The following SNTG1 variants were observed in gnomAD, a reference collection of about 807,000 sequenced individuals.
SNTG1 encodes the protein syntrophin gamma 1, also known as gamma-1-syntrophin.
A neutral mutation model predicts 74.7 loss-of-function variants in SNTG1; 39 were observed. That is an observed-to-expected ratio of 0.52 (90% confidence interval 0.40 to 0.68). SNTG1 has a LOEUF of 0.68. Among genes scored for constraint, SNTG1 ranks in the 30% least tolerant of loss-of-function variants. SNTG1 has a pLI of 0.00. For synonymous variants in SNTG1, 254 were observed against 217.1 expected, an observed-to-expected ratio of 1.17 and a Z score of -1.49; for missense variants, 685 against 609.5, an observed-to-expected ratio of 1.12 and a Z score of -1.30.
At chr8:50,171,746 T>A (rs2082815192) in intron 1 of SNTG1, among the ~76,000 whole-genome samples, 1 of 152,168 alleles carries the variant, frequency 6.6e-6, no homozygotes, top group South Asian at 2.1e-4. Context: ...TAAAAATGCA[T>A]ATTTATAGGC....
intron 12 of SNTG1, among the ~76,000 whole-genome samples, chr8:50,567,026 G>A (rs1239072176): frequency 2.0e-5 from 3 of 151,974 alleles, no homozygotes; most frequent in African/African-American, 7.2e-5. Flanking sequence ...GCCTCTATTT[G>A]TTTATTGTAT....
At chr8:50,328,569 A>T (rs1228098323) in intron 2 of SNTG1, among the ~76,000 whole-genome samples, 2 of 152,190 alleles carry the variant, frequency 1.3e-5, no homozygotes, top group African/African-American at 4.8e-5. Flanking sequence ...AAACACTTAT[A>T]AAACCATCAG....
At chr8:50,328,387 C>T (rs116023167) in intron 2 of SNTG1, among the ~76,000 whole-genome samples, 2,141 of 152,064 alleles carry the variant, frequency 0.014, 59 homozygotes, top group African/African-American at 0.049. Flanking sequence ...TTTTTTGATG[C>T]TGCTGTAAAG....
chr8:50,683,326 A>G (rs1249151319), intron 15 of SNTG1, among the ~76,000 whole-genome samples: 4 of 152,180 alleles, frequency 2.6e-5, no homozygotes, highest in Non-Finnish European at 5.9e-5. Context: ...ATAGGCATGT[A>G]TGGGGTGGGG....
intron 1 of SNTG1, among the ~76,000 whole-genome samples, chr8:49,952,484 A>G (rs1809810835): frequency 6.6e-6 from 1 of 152,194 alleles, no homozygotes; most frequent in Non-Finnish European, 1.5e-5. Context: ...CCTGTCTGAC[A>G]AATTAGAGGC....
intron 1 of SNTG1, among the ~76,000 whole-genome samples, chr8:50,103,041 G>A (rs953730072): frequency 4.7e-4 from 72 of 151,816 alleles, no homozygotes; most frequent in African/African-American, 1.5e-3. Context: ...TTGGCGATGC[G>A]GGCTCTTTTT....
At chr8:50,754,178 A>C (rs961241485) in intron 18 of SNTG1, among the ~76,000 whole-genome samples, 1 of 151,708 alleles carries the variant, frequency 6.6e-6, no homozygotes, top group African/African-American at 2.4e-5. Flanking sequence ...TGTGGACATA[A>C]GCTTTTATTT....
At chr8:50,468,132 T>TCAA (rs2093624174) in intron 8 of SNTG1, among the ~76,000 whole-genome samples, 1 of 152,054 alleles carries the variant, frequency 6.6e-6, no homozygotes, top group Non-Finnish European at 1.5e-5. Flanking sequence ...TGGTATATTC[T>TCAA]ATAAAAGTCT....
chr8:50,457,921 A>G (rs1423307903), intron 8 of SNTG1: 1 of 152,216 alleles, frequency 6.6e-6, no homozygotes, highest in Non-Finnish European at 1.5e-5. Context: ...CTCTCAGAAC[A>G]CTGGCAGCCG....
intron 5 of SNTG1, among the ~76,000 whole-genome samples, chr8:50,442,321 G>A (rs542143697): frequency 6.6e-6 from 1 of 152,174 alleles, no homozygotes; most frequent in Non-Finnish European, 1.5e-5. Context: ...ATGAAATTTG[G>A]AGTCATGACA....
intron 2 of SNTG1, among the ~76,000 whole-genome samples, chr8:50,365,863 A>G (rs1391788156): frequency 6.6e-6 from 1 of 152,158 alleles, no homozygotes; most frequent in East Asian, 1.9e-4. Flanking sequence ...GTAATTGCTA[A>G]CATAAATTAT....
chr8:50,589,886 A>G (rs977438413), intron 12 of SNTG1, among the ~76,000 whole-genome samples: 2 of 152,194 alleles, frequency 1.3e-5, no homozygotes, highest in African/African-American at 4.8e-5. Context: ...TGATTATAAT[A>G]ATGTAAGAAG....
intron 11 of SNTG1, among the ~76,000 whole-genome samples, chr8:50,544,517 C>A (rs953253035): frequency 7.2e-5 from 11 of 151,726 alleles, no homozygotes; most frequent in African/African-American, 2.7e-4. Flanking sequence ...CATTTATTTA[C>A]TTTTTGATTT....
chr8:50,020,385 ATC>A (rs1290854855), intron 1 of SNTG1, among the ~76,000 whole-genome samples: 1 of 152,098 alleles, frequency 6.6e-6, no homozygotes, highest in African/African-American at 2.4e-5. Context: ...GCTGCTATTC[ATC>A]TCTCTTTAAA....
chr8:50,456,591 G>T (rs1437645384), intron 8 of SNTG1, among the ~76,000 whole-genome samples: 2 of 152,110 alleles, frequency 1.3e-5, no homozygotes, highest in Non-Finnish European at 2.9e-5. Context: ...TTTTATGAGA[G>T]CATTAATTCT....
At chr8:50,473,758 A>G (rs909967959) in intron 8 of SNTG1, among the ~76,000 whole-genome samples, 2 of 152,196 alleles carry the variant, frequency 1.3e-5, no homozygotes, top group African/African-American at 2.4e-5. Context: ...ATCCTTTTAC[A>G]TGATACAACA....
chr8:50,593,739 A>T (rs1039185951), intron 13 of SNTG1, among the ~76,000 whole-genome samples: 1 of 144,346 alleles, frequency 6.9e-6, no homozygotes, highest in East Asian at 2.0e-4. Flanking sequence ...TTTTTGAGAG[A>T]CAGAGTCTCA....
intron 1 of SNTG1, chr8:50,164,279 T>G (rs375563889): frequency 6.6e-6 from 1 of 152,156 alleles, no homozygotes; most frequent in African/African-American, 2.4e-5. Flanking sequence ...TACAGCGTGA[T>G]GCACAGTTAC....
chr8:50,174,350 C>A (rs533751534), intron 2 of SNTG1, among the ~76,000 whole-genome samples: 137 of 152,268 alleles, frequency 9.0e-4, no homozygotes, highest in African/African-American at 3.3e-3. Flanking sequence ...TGGGTATATA[C>A]CCAGTAATGG....
Sources: gnomAD v4.1 joint callset for allele counts (sites outside exome capture counted in the v4.1 genomes callset) on GRCh38, gnomAD v4.1.1 for gene constraint, MANE v1.5 for transcripts, NCBI Gene and HGNC (gene_info 2026-07-23, HGNC 2026-07-21) for gene names.